FRMD4B: variants seen among roughly 807,000 people sequenced by gnomAD.
FRMD4B encodes the protein FERM domain-containing protein 4B.
A neutral mutation model predicts 141.5 loss-of-function variants in FRMD4B; 74 were observed. That is an observed-to-expected ratio of 0.52 (90% CI 0.43 to 0.63). FRMD4B has a LOEUF of 0.63. Ranked by LOEUF, FRMD4B falls within the 30% of genes least tolerant of loss-of-function variation. The pLI is 0.00. For missense variants in FRMD4B, 1,366 were observed against 1,253.4 expected (o/e 1.09, Z -1.36); for synonymous variants, 506 against 467.9 (o/e 1.08, Z -1.05).
chr3:69,227,662 C>CAA (rs200502285), intron 7 of FRMD4B, among the ~76,000 whole-genome samples: 95 of 88,606 alleles, frequency 1.1e-3, no homozygotes, highest in African/African-American at 3.3e-3. Context: ...GACTTTGTCT[C>CAA]AAAAAAAAAA....
At chr3:69,412,502 T>A (rs1469701646) in intron 2 of FRMD4B, among the ~76,000 whole-genome samples, 1 of 152,194 alleles carries the variant, frequency 6.6e-6, no homozygotes, top group African/African-American at 2.4e-5. Flanking sequence ...AAAGGTGGAA[T>A]ATGGGCTGCT....
chr3:69,279,757 C>T (rs1388023967), intron 5 of FRMD4B, among the ~76,000 whole-genome samples: 1 of 105,592 alleles, frequency 9.5e-6, no homozygotes, highest in South Asian at 4.5e-4. Context: ...TCCTCCCCTC[C>T]TCCTTCTCCT....
chr3:69,386,588 C>T (rs1437404787), upstream of FRMD4B, among the ~76,000 whole-genome samples: 1 of 152,148 alleles, frequency 6.6e-6, no homozygotes, highest in African/African-American at 2.4e-5. Flanking sequence ...AAAAAAATCT[C>T]CAAGGCATCC....
intron 1 of FRMD4B, among the ~76,000 whole-genome samples, chr3:69,474,515 C>T (rs79842508): frequency 6.6e-6 from 1 of 152,068 alleles, no homozygotes; most frequent in Non-Finnish European, 1.5e-5. Flanking sequence ...GGAAGGAAAG[C>T]CAGGGAAACA....
intron 1 of FRMD4B, among the ~76,000 whole-genome samples, chr3:69,435,280 T>C (rs1040505510): frequency 2.6e-5 from 4 of 151,858 alleles, no homozygotes; most frequent in Non-Finnish European, 1.5e-5. Flanking sequence ...CAACCTTCAG[T>C]GTCATTCATG....
At chr3:69,323,962 T>G (rs566272290) in intron 1 of FRMD4B, among the ~76,000 whole-genome samples, 1 of 152,290 alleles carries the variant, frequency 6.6e-6, no homozygotes, top group South Asian at 2.1e-4. Context: ...CTGAAAAGCT[T>G]GATCCAGACT....
chr3:69,177,415 C>G (rs188317313), intron 21 of FRMD4B, among the ~76,000 whole-genome samples: 1 of 152,158 alleles, frequency 6.6e-6, no homozygotes, highest in East Asian at 1.9e-4. Context: ...TTTGGGAAGT[C>G]AAGGTGGGAG....
intron 1 of FRMD4B, among the ~76,000 whole-genome samples, chr3:69,533,938 T>A (rs1457721154): frequency 6.6e-6 from 1 of 152,184 alleles, no homozygotes; most frequent in Non-Finnish European, 1.5e-5. Context: ...GCCTTACATA[T>A]CCTCCACAGC....
chr3:69,189,927 G>T lies in FRMD4B; in HGVS notation c.1740C>A (p.Ser580Arg). 6.2e-7 allele frequency: 1 copy of T among 1,600,930 alleles called. No individual in the cohort carries two copies. Among genetic ancestry groups the T allele is most frequent in the South Asian group, 1.1e-5 (1 of 90,640 alleles). The change falls in exon 18 of 23, where the codon AGC becomes AGA. Residue 580 changes from serine to arginine, a missense_variant. By Grantham distance (110) the Ser-to-Arg change is moderately radical (BLOSUM62 -1). Coordinates refer to ENST00000398540, the MANE Select transcript of FRMD4B (RefSeq NM_015123.3). ...CATAGGTGGTGGTGTCAGACAAAGA[G>T]CTACTCTCTGAGGGGATTATGTCTT... The part of the protein sequence containing the change: ...LPEDIIPSES[S>R]SLSDTTTYDD...
chr3:69,487,975 G>A (rs1377338568), intron 1 of FRMD4B, among the ~76,000 whole-genome samples: 1 of 151,444 alleles, frequency 6.6e-6, no homozygotes, highest in Non-Finnish European at 1.5e-5. Flanking sequence ...ATTTAAATGT[G>A]TCCATTGTAA....
chr3:69,237,230 G>A (rs777312348), intron 7 of FRMD4B, among the ~76,000 whole-genome samples: 3 of 152,240 alleles, frequency 2.0e-5, no homozygotes, highest in Non-Finnish European at 2.9e-5. Flanking sequence ...GGAGGGAGGG[G>A]CCGGGAAAGG....
At chr3:69,382,996 T>C (rs1421307729) in intron 1 of FRMD4B, among the ~76,000 whole-genome samples, 4 of 152,190 alleles carry the variant, frequency 2.6e-5, no homozygotes, top group Non-Finnish European at 5.9e-5. Flanking sequence ...GGGTTTTCTA[T>C]TATAATAAAA....
chr3:69,240,338 G>A (rs562002440), intron 7 of FRMD4B, among the ~76,000 whole-genome samples: 7 of 150,468 alleles, frequency 4.7e-5, no homozygotes, highest in South Asian at 2.1e-4. Flanking sequence ...AAAATTAGTC[G>A]GGCGTGGTGG....
At chr3:69,403,564 C>T (rs566468747) in intron 2 of FRMD4B, among the ~76,000 whole-genome samples, 36 of 152,232 alleles carry the variant, frequency 2.4e-4, no homozygotes, top group African/African-American at 8.7e-4. Context: ...TGCTACTAAA[C>T]CCTGAGACTA....
intron 1 of FRMD4B, among the ~76,000 whole-genome samples, chr3:69,535,470 T>G (rs1701069758): frequency 6.6e-6 from 1 of 152,260 alleles, no homozygotes; most frequent in South Asian, 2.1e-4. Flanking sequence ...TTACCATTAG[T>G]TCTACTATTA....
rs35778230 is a variant in FRMD4B, at chr3:69,488,891, T to TA, written c.-129+53314dup. ...CTGGGTGACAGAGCGAGACTCCATC[T>TA]AAAAAAAAAAAAAAAAAAAAAAAAA... On this transcript the variant is annotated intron_variant, in intron 1 of 5. Transcript: ENST00000459638. Among the ~76,000 whole-genome samples the TA allele has an allele frequency of 1.8e-3, 146 of 82,184 alleles. 1 individual carries two copies. The highest frequency in any genetic ancestry group is 5.3e-3 in the East Asian group (11 of 2,066). 53.9% of individuals were successfully genotyped at this position (82,184 alleles called of 152,430 possible). A position where few individuals can be genotyped will look rare whatever the true frequency, so the allele number is the denominator to read the frequency against.
At chr3:69,252,347 C>T (rs998290582) in intron 5 of FRMD4B, among the ~76,000 whole-genome samples, 1 of 152,180 alleles carries the variant, frequency 6.6e-6, no homozygotes, top group African/African-American at 2.4e-5. Context: ...GTGGACTTTT[C>T]CACCTACACA....
chr3:69,463,659 A>G (rs139724572), intron 1 of FRMD4B, among the ~76,000 whole-genome samples: 1 of 152,338 alleles, frequency 6.6e-6, no homozygotes, highest in African/African-American at 2.4e-5. Context: ...TTGGGATTTG[A>G]GCCAGACTGC....
intron 1 of FRMD4B, among the ~76,000 whole-genome samples, chr3:69,478,546 T>C (rs1706044989): frequency 6.6e-6 from 1 of 152,334 alleles, no homozygotes; most frequent in South Asian, 2.1e-4. Context: ...GAGTTCTAGT[T>C]TGATTGCACT....
Sources: gnomAD v4.1 joint callset for allele counts (sites outside exome capture counted in the v4.1 genomes callset) on GRCh38, gnomAD v4.1.1 for gene constraint, MANE v1.5 for transcripts, NCBI Gene and HGNC (gene_info 2026-07-23, HGNC 2026-07-21) for gene names.